The following UNC79 variants were observed in gnomAD, a reference collection of about 807,000 sequenced individuals.
UNC79 encodes protein unc-79 homolog.
Under a neutral mutation model 283.1 loss-of-function variants are expected in UNC79, and 37 were observed. The ratio of observed to expected loss-of-function variants is 0.13; its 90% CI spans 0.10 to 0.17. The LOEUF is 0.17. UNC79 is among the 10% of genes least tolerant of loss of function. The pLI is 1.00. For missense variants in UNC79, 2,272 were observed against 3,211.1 expected (o/e 0.71, Z 7.07); for synonymous variants, 1,107 against 1,200.2 (o/e 0.92, Z 1.61).
chr14:93,349,362 G>C (rs1052017070), intron 1 of UNC79, among the ~76,000 whole-genome samples: 8 of 152,148 alleles, frequency 5.3e-5, no homozygotes, highest in Non-Finnish European at 8.8e-5. Flanking sequence ...CTGGCCGTCT[G>C]GTAGGCAGGC....
rs969046891 is a variant in UNC79, at chr14:93,539,350, G to A, written c.1352+1132G>A. On this transcript the variant is annotated intron_variant, in intron 12 of 48. Coordinates refer to ENST00000555664, the Ensembl canonical transcript of UNC79. ...AGCCTGACCAACATGGTGAAACCCC[G>A]TCTCTATTAAAAATACAAAAATTAG... is the stretch of plus-strand genomic sequence containing the variant. Among the ~76,000 whole-genome samples the A allele has an allele frequency of 3.3e-5, 5 of 150,628 alleles. No homozygotes were observed. The East Asian group carries it at 6.0e-4, about 18-fold the overall frequency.
At chr14:93,368,509 G>A (rs566823067) in intron 1 of UNC79, among the ~76,000 whole-genome samples, 1 of 151,978 alleles carries the variant, frequency 6.6e-6, no homozygotes, top group African/African-American at 2.4e-5. Flanking sequence ...GTCTTGTTCT[G>A]TCGTCCAGGC....
intron 9 of UNC79, 21 bp from the exon 10 acceptor site, chr14:93,529,265 G>T: frequency 2.5e-6 from 4 of 1,612,728 alleles, no homozygotes; most frequent in Non-Finnish European, 2.5e-6. Context: ...GCTCAAAAAT[G>T]AATTTTGTTT....
In UNC79 at chr14:93,621,282, G is replaced by A. The variant is rs745848157; in HGVS notation, c.4388-339G>A. Among the ~76,000 whole-genome samples the A allele has an allele frequency of 6.6e-6, 1 of 152,070 alleles. No homozygotes were observed. The highest frequency in any genetic ancestry group is 1.5e-5 in the Non-Finnish European group (1 of 68,012). On this transcript the variant is annotated intron_variant, in intron 29 of 48. Transcript: ENST00000555664. The surrounding 1 kb of genome is among the most constrained non-coding windows in gnomAD (Gnocchi z 4.8). Reference sequence around the variant, plus strand: ...TGATTTGATTTGTTGCAAAATGTTTGCTTCTCTTCCACACGATTTGAATAC... The same window carrying A: ...TGATTTGATTTGTTGCAAAATGTTTACTTCTCTTCCACACGATTTGAATAC...
intron 7 of UNC79, among the ~76,000 whole-genome samples, chr14:93,519,378 C>T (rs1223039906): frequency 6.6e-6 from 1 of 151,752 alleles, no homozygotes; most frequent in East Asian, 1.9e-4. Flanking sequence ...CTGTTTACTT[C>T]TAGCTTATCT....
intron 24 of UNC79, among the ~76,000 whole-genome samples, chr14:93,600,158 T>C (rs1047141413): frequency 3.3e-5 from 5 of 151,938 alleles, no homozygotes; most frequent in Admixed American, 6.6e-5. Flanking sequence ...TGAGATCCCA[T>C]CACTGCACTC....
At chr14:93,552,210 T>C (rs1053876006) in intron 14 of UNC79, among the ~76,000 whole-genome samples, 1 of 152,242 alleles carries the variant, frequency 6.6e-6, no homozygotes, top group Non-Finnish European at 1.5e-5. Flanking sequence ...AGAATGAGTC[T>C]CCTGGTGTGT....
chr14:93,435,038 G>A (rs1024033711), intron 1 of UNC79, among the ~76,000 whole-genome samples: 6 of 152,120 alleles, frequency 3.9e-5, no homozygotes, highest in African/African-American at 1.4e-4. Context: ...GGCCATGCAT[G>A]GAGAAATCAA....
At chr14:93,628,448 T>C (rs2067739137) in intron 30 of UNC79, among the ~76,000 whole-genome samples, 1 of 152,226 alleles carries the variant, frequency 6.6e-6, no homozygotes, top group African/African-American at 2.4e-5. Flanking sequence ...AGCCCCTACC[T>C]GGTATCTTGA....
At chr14:93,638,017 A>G (rs2068668231) in intron 32 of UNC79, among the ~76,000 whole-genome samples, 1 of 152,244 alleles carries the variant, frequency 6.6e-6, no homozygotes, top group Admixed American at 6.5e-5. Flanking sequence ...CTGAAGGCCA[A>G]TCTGTGCTAA....
chr14:93,616,569 C>T (rs1297901058), intron 27 of UNC79, among the ~76,000 whole-genome samples: 5 of 151,960 alleles, frequency 3.3e-5, no homozygotes, highest in East Asian at 1.9e-4. Flanking sequence ...AGGGTTTCGC[C>T]GTGTTGCCTG....
chr14:93,694,226 A>G, intron 46 of UNC79, 109 bp from the exon 50 acceptor site: 2 of 912,496 alleles, frequency 2.2e-6, no homozygotes. Context: ...CGGTCATTAC[A>G]CAGAAAGACC....
chr14:93,698,476 G>GTTTTTTTTTTTTTTTT (rs71129655), intron 47 of UNC79, among the ~76,000 whole-genome samples: 2 of 79,096 alleles, frequency 2.5e-5, no homozygotes, highest in Non-Finnish European at 5.1e-5. Flanking sequence ...TTTAGTTTAG[G>GTTTTTTTTTTTTTTTT]TTTTTTTTTT....
At chr14:93,679,581 C>T (rs868405608) in intron 41 of UNC79, among the ~76,000 whole-genome samples, 2 of 152,022 alleles carry the variant, frequency 1.3e-5, no homozygotes, top group African/African-American at 2.4e-5. Flanking sequence ...AAGATGTGTT[C>T]GTTGTGGGCT....
intron 1 of UNC79, among the ~76,000 whole-genome samples, chr14:93,456,397 AAG>A (rs1426989798): frequency 6.6e-6 from 1 of 152,138 alleles, no homozygotes; most frequent in African/African-American, 2.4e-5. Flanking sequence ...AAAAAAGAGA[AAG>A]AGTGGAAGGG....
intron 47 of UNC79, among the ~76,000 whole-genome samples, chr14:93,701,821 T>C (rs1055518872): frequency 6.6e-6 from 1 of 152,230 alleles, no homozygotes; most frequent in Non-Finnish European, 1.5e-5. Context: ...AATCACATGG[T>C]CATAGATTAC....
intron 7 of UNC79, among the ~76,000 whole-genome samples, chr14:93,515,818 A>G (rs957253837): frequency 1.3e-5 from 2 of 152,102 alleles, no homozygotes; most frequent in African/African-American, 4.8e-5. Context: ...TCTCTCATTC[A>G]GGGGCTTCCC....
At position 93,634,648 on chromosome 14, in the gene UNC79, C is replaced by CT; in HGVS notation, c.5717-2563dup. On this transcript the variant is annotated intron_variant, in intron 31 of 48. Coordinates refer to ENST00000555664, the Ensembl canonical transcript of UNC79. The stretch of plus-strand genomic sequence containing the variant: ...GCAACTGGGACACTGGTGGGTCAAG[C>CT]TTTTTCTTCTCATTCTACCTCTCGG... 8 of 1,605,634 alleles carry CT rather than the reference C, an allele frequency of 5.0e-6. No individual in the cohort carries two copies. The highest frequency in any genetic ancestry group is 6.0e-6 in the Non-Finnish European group (7 of 1,172,354).
At chr14:93,634,525 G>C (rs1479473555) in intron 31 of UNC79, 1 of 1,612,608 alleles carries the variant, frequency 6.2e-7, no homozygotes, top group African/African-American at 1.3e-5. Context: ...ATCTAGCTCA[G>C]TATAGGCAGA....
Sources: allele counts gnomAD v4.1 joint callset (sites outside exome capture counted in the v4.1 genomes callset), GRCh38; gene constraint gnomAD v4.1.1; non-coding constraint Gnocchi (gnomAD v3.1); transcripts MANE v1.5; gene names NCBI Gene and HGNC (gene_info 2026-07-23, HGNC 2026-07-21).